Variants in SLC8A1 observed in about 807,000 individuals in gnomAD.
SLC8A1 encodes sodium/calcium exchanger 1.
A neutral mutation model predicts 68.3 loss-of-function variants in SLC8A1; 18 were observed. The ratio of observed to expected loss-of-function variants is 0.26; its 90% CI spans 0.18 to 0.39. The LOEUF is 0.39. Ranked by LOEUF, SLC8A1 falls within the 10% of genes least tolerant of loss-of-function variation. The pLI, the probability that SLC8A1 is intolerant of heterozygous loss-of-function variation, is 1.00. For synonymous variants in SLC8A1, 475 were observed against 415.5 expected, an observed-to-expected ratio of 1.14 and a Z score of -1.74; for missense variants, 985 against 1,156.7, an observed-to-expected ratio of 0.85 and a Z score of 2.15.
Position 40,385,396 on chromosome 2 carries a change from T to C in SLC8A1, c.1808+43077A>G, listed in dbSNP as rs1215379933. Among the ~76,000 whole-genome samples the C allele has an allele frequency of 1.3e-5, 2 of 150,038 alleles. 1 individual carries two copies. Among genetic ancestry groups the C allele is most frequent in the African/African-American group, 5.1e-5 (2 of 39,526 alleles). ...TTTAAAACATTCATTTATTTTTTCC[T>C]ACCTTTCTCTTTTAATCTCTCTCAA... On this transcript the variant is annotated intron_variant, in intron 2 of 7. Coordinates refer to ENST00000406785, the Ensembl canonical transcript of SLC8A1.
At chr2:40,315,876 A>T (rs576663575) in intron 2 of SLC8A1, among the ~76,000 whole-genome samples, 56 of 152,162 alleles carry the variant, frequency 3.7e-4, no homozygotes, top group African/African-American at 1.3e-3. Flanking sequence ...GCTTCTTGCA[A>T]TGAGAACATT....
At chr2:40,309,747 G>A (rs1445945238) in intron 2 of SLC8A1, among the ~76,000 whole-genome samples, 31 of 152,022 alleles carry the variant, frequency 2.0e-4, no homozygotes, top group East Asian at 3.9e-4. Context: ...CTCATGATCC[G>A]CCCGCCTTGG....
Position 40,191,662 on chromosome 2 carries a change from A to G in SLC8A1, c.1809-13807T>C, listed in dbSNP as rs531539410. 2.0e-4 allele frequency among the ~76,000 whole-genome samples: 30 copies of G among 152,330 alleles called. 1 individual carries two copies. The highest frequency in any genetic ancestry group is 6.2e-4 in the South Asian group (3 of 4,830). On this transcript the variant is annotated intron_variant, in intron 2 of 7. Coordinates refer to ENST00000406785, the Ensembl canonical transcript of SLC8A1. ...GAACCACTGGACCAAACAGTGAGAA[A>G]GTACTTGCTGAGCAATTCCTGGGTT... is the stretch of plus-strand genomic sequence containing the variant.
chr2:40,407,577 A>G (rs4952619), intron 2 of SLC8A1, among the ~76,000 whole-genome samples: 106,016 of 152,032 alleles, frequency 0.7, 38,576 homozygotes, highest in East Asian at 0.95. Context: ...CTTCCACACC[A>G]ACAGGTCCTC....
intron 2 of SLC8A1, among the ~76,000 whole-genome samples, chr2:40,256,695 A>G (rs1167078128): frequency 6.6e-6 from 1 of 152,118 alleles, no homozygotes; most frequent in Non-Finnish European, 1.5e-5. Context: ...GGCAGGAAAA[A>G]AAAATGTCTT....
rs558233903 is a variant in SLC8A1, at chr2:40,197,574, T to C, written c.1809-19719A>G. On this transcript the variant is annotated intron_variant, in intron 2 of 7. Transcript: ENST00000406785. ...TTCCCCCTTTAGCAAAAGATCTCTC[T>C]TTCATACCCACTTCTGGCTTGCATC... 2.0e-5 allele frequency among the ~76,000 whole-genome samples: 3 copies of C among 152,102 alleles called. No homozygotes were observed. The South Asian group carries it at 6.2e-4, about 32-fold the overall frequency.
In SLC8A1 at chr2:40,118,744, C is replaced by T. The variant is rs186847303; in HGVS notation, c.2438-3115G>A. Among the ~76,000 whole-genome samples, 50 of 147,048 alleles carry T rather than the reference C, an allele frequency of 3.4e-4. No homozygotes were observed. The East Asian group carries it at 6.6e-3, about 19-fold the overall frequency. ...GAAACACCTGAGATGTTATTCTAAGCTGAAATGGCTGGTAGCACTGGCTGG... is the reference window on the plus strand; with the variant it reads ...GAAACACCTGAGATGTTATTCTAAGTTGAAATGGCTGGTAGCACTGGCTGG... On this transcript the variant is annotated intron_variant, in intron 7 of 7. Coordinates refer to ENST00000406785, the Ensembl canonical transcript of SLC8A1.
intron 4 of SLC8A1, among the ~76,000 whole-genome samples, chr2:40,173,524 A>ATGTGAAAC (rs1370941924): frequency 5.9e-5 from 9 of 152,212 alleles, no homozygotes; most frequent in African/African-American, 2.2e-4. Flanking sequence ...GCAACAGCCC[A>ATGTGAAAC]TGTGAAACGG....
At chr2:40,272,753 A>G (rs1052807201) in intron 2 of SLC8A1, among the ~76,000 whole-genome samples, 6 of 152,186 alleles carry the variant, frequency 3.9e-5, no homozygotes, top group Non-Finnish European at 8.8e-5. Context: ...TCTATGTTTT[A>G]CTTAAAGAAG....
At chr2:40,275,812 A>G (rs1050358259) in intron 2 of SLC8A1, among the ~76,000 whole-genome samples, 2 of 152,142 alleles carry the variant, frequency 1.3e-5, no homozygotes, top group Admixed American at 6.6e-5. Flanking sequence ...CTTGAGGCTG[A>G]ATGCTCTGCT....
chr2:40,366,639 A>C (rs1162181030), intron 2 of SLC8A1, among the ~76,000 whole-genome samples: 1 of 152,028 alleles, frequency 6.6e-6, no homozygotes, highest in African/African-American at 2.4e-5. Flanking sequence ...GGTCATTTAG[A>C]TGGTTTGGAG....
At chr2:40,278,285 A>G (rs2067034137) in intron 2 of SLC8A1, among the ~76,000 whole-genome samples, 1 of 152,102 alleles carries the variant, frequency 6.6e-6, no homozygotes, top group South Asian at 2.1e-4. Flanking sequence ...CCTGGCCAAC[A>G]TGGTGGAACC....
At chr2:40,256,700 T>C (rs921081630) in intron 2 of SLC8A1, among the ~76,000 whole-genome samples, 1 of 151,648 alleles carries the variant, frequency 6.6e-6, no homozygotes, top group African/African-American at 2.4e-5. Flanking sequence ...GAAAAAAAAA[T>C]GTCTTTAGAG....
chr2:40,117,017 T>G (rs1266107281), intron 7 of SLC8A1: 1 of 152,210 alleles, frequency 6.6e-6, no homozygotes, highest in African/African-American at 2.4e-5. Context: ...ATGGTACTGC[T>G]CACTTCAGAG....
At chr2:40,278,848 A>C (rs542155900) in intron 2 of SLC8A1, among the ~76,000 whole-genome samples, 2 of 152,318 alleles carry the variant, frequency 1.3e-5, no homozygotes, top group South Asian at 4.1e-4. Context: ...TTAAATCAGT[A>C]TTATTTATTA....
intron 1 of SLC8A1, among the ~76,000 whole-genome samples, chr2:40,468,882 C>A (rs1559752431): frequency 6.6e-6 from 1 of 151,796 alleles, no homozygotes; most frequent in South Asian, 2.1e-4. Flanking sequence ...TTTATACCAG[C>A]CTGGGCAATA....
rs570772124 is a variant in SLC8A1 at position 40,244,025 on chromosome 2, C to G, written c.1809-66170G>C. Among the ~76,000 whole-genome samples the G allele has an allele frequency of 1.4e-5, 2 of 143,888 alleles. 1 individual carries two copies. Among genetic ancestry groups the G allele is most frequent in the South Asian group, 4.4e-4 (2 of 4,546 alleles). 94.4% of individuals were successfully genotyped at this position (143,888 alleles called of 152,430 possible). A position where few individuals can be genotyped will look rare whatever the true frequency, so the allele number is the denominator to read the frequency against. ...GGGGTCTAGGGTCTGGGGGACAACGCTCCCATCAGCAGCCCTTTTGTTATT... is the reference window on the plus strand; with the variant it reads ...GGGGTCTAGGGTCTGGGGGACAACGGTCCCATCAGCAGCCCTTTTGTTATT... On this transcript the variant is annotated intron_variant, in intron 2 of 7. Transcript: ENST00000406785.
At chr2:40,446,544 T>G (rs1701480615) in intron 1 of SLC8A1, 1 of 152,262 alleles carries the variant, frequency 6.6e-6, no homozygotes, top group East Asian at 1.9e-4. Flanking sequence ...CGTCCAATGT[T>G]CTCTTCTTCC....
chr2:40,464,002 C>G lies in SLC8A1; in HGVS notation c.-24-33698G>C, dbSNP rs538605051. 2.6e-5 allele frequency among the ~76,000 whole-genome samples: 4 copies of G among 152,238 alleles called. No homozygotes were observed. In the South Asian group the frequency reaches 6.2e-4, roughly 24 times the overall value. On this transcript the variant is annotated intron_variant, in intron 1 of 7. Coordinates refer to the SLC8A1 transcript ENST00000402441. ...CTCCACCTCCCAGGTTCTAGCAATT[C>G]TCCTGTCTCAGCCTCCTGAGTAGCT...
Sources: gnomAD v4.1 joint callset for allele counts (sites outside exome capture counted in the v4.1 genomes callset) on GRCh38, gnomAD v4.1.1 for gene constraint, MANE v1.5 for transcripts, NCBI Gene and HGNC (gene_info 2026-07-23, HGNC 2026-07-21) for gene names.